Variants in TRPM4 observed in about 807,000 individuals in gnomAD.
TRPM4 encodes the protein transient receptor potential cation channel subfamily M member 4, also known as calcium-activated non-selective cation channel 1.
In TRPM4, 124 loss-of-function variants were observed where a neutral mutation model predicts 135.6. The ratio of observed to expected loss-of-function variants is 0.91; its 90% confidence interval spans 0.79 to 1.06. The LOEUF (loss-of-function observed/expected upper bound fraction) is 1.06. TRPM4 is among the 50% of genes least tolerant of loss of function. TRPM4 has a pLI of 0.00. For missense variants in TRPM4, 1,658 were observed against 1,671.4 expected (o/e 0.99, Z 0.14); for synonymous variants, 745 against 705.6 (o/e 1.06, Z -0.88).
chr19:49,210,510 T>C lies in TRPM4; in HGVS notation c.3328+105T>C. ...AAATGACTAACGGGCGTGGCTTAGG[T>C]AGCGAGGGGCGGGGTTTAAGCAACA... On this transcript the variant is annotated intron_variant, in intron 21 of 24. Coordinates refer to ENST00000252826, the MANE Select transcript of TRPM4 (RefSeq NM_017636.4). The surrounding 1 kb of genome is among the most constrained non-coding windows in gnomAD (Gnocchi z 4.1). The C allele has an allele frequency of 1.4e-6, 2 of 1,473,256 alleles. No homozygotes were observed. Among genetic ancestry groups the C allele is most frequent in the Non-Finnish European group, 1.9e-6 (2 of 1,076,642 alleles). 91.3% of individuals were successfully genotyped at this position (1,473,256 alleles called of 1,614,324 possible). A position where few individuals can be genotyped will look rare whatever the true frequency, so the allele number is the denominator to read the frequency against.
At chr19:49,158,827 T>G in intron 2 of TRPM4, 1 of 154,938 alleles carries the variant, frequency 6.5e-6, no homozygotes, top group Non-Finnish European at 1.4e-5. Flanking sequence ...AAGTTAATGC[T>G]TGTGATATTC....
Position 49,210,565 on chromosome 19 carries a change from T to G in TRPM4, c.3329-145T>G, listed in dbSNP as rs912532557. The G allele has an allele frequency of 2.1e-6, 3 of 1,438,810 alleles. No homozygotes were observed. The highest frequency in any genetic ancestry group is 1.9e-5 in the Admixed American group (1 of 53,102). 89.1% of individuals were successfully genotyped at this position (1,438,810 alleles called of 1,614,324 possible). ...GCGGAGCTTAAGCACTGAGGGGCAG[T>G]GCTTACGGGTGAGGGGCGGGGCATG... On this transcript the variant is annotated intron_variant, in intron 21 of 24. Coordinates refer to ENST00000252826, the MANE Select transcript of TRPM4 (RefSeq NM_017636.4). This position sits in a 1 kb window ranked among gnomAD's most constrained non-coding sequence, Gnocchi z 4.1.
chr19:49,207,636 C>CAAAA lies in TRPM4; in HGVS notation c.3132-2553_3132-2550dup, dbSNP rs34758808. Among the ~76,000 whole-genome samples the CAAAA allele has an allele frequency of 9.2e-4, 36 of 39,004 alleles. 1 individual carries two copies. The highest frequency in any genetic ancestry group is 2.6e-3 in the African/African-American group (29 of 11,296). 25.6% of individuals were successfully genotyped at this position (39,004 alleles called of 152,430 possible). A position where few individuals can be genotyped will look rare whatever the true frequency, so the allele number is the denominator to read the frequency against. On this transcript the variant is annotated intron_variant, in intron 20 of 24. Transcript: ENST00000252826. ...CCACCAACAGAGTGAAACCTTGTCT[C>CAAAA]AAAAAAAAAAAAAAAAAAAAAAAGC...
chr19:49,186,697 C>T (rs1968208075), intron 12 of TRPM4, among the ~76,000 whole-genome samples: 1 of 151,974 alleles, frequency 6.6e-6, no homozygotes, highest in Non-Finnish European at 1.5e-5. Context: ...CATGGAGAAA[C>T]CCTATCTCTA....
intron 9 of TRPM4, among the ~76,000 whole-genome samples, chr19:49,176,637 A>C (rs1331103575): frequency 6.6e-6 from 1 of 152,102 alleles, no homozygotes; most frequent in African/African-American, 2.4e-5. Flanking sequence ...GGATCACTTG[A>C]GGTCAGGAGT....
chr19:49,187,313 A>C (rs1352145745), intron 12 of TRPM4, among the ~76,000 whole-genome samples: 1 of 151,836 alleles, frequency 6.6e-6, no homozygotes, highest in East Asian at 1.9e-4. Flanking sequence ...AGTTCCCTAC[A>C]CTGGCATTTT....
intron 6 of TRPM4, among the ~76,000 whole-genome samples, chr19:49,170,389 A>C (rs930063368): frequency 6.6e-6 from 1 of 151,866 alleles, no homozygotes; most frequent in African/African-American, 2.4e-5. Flanking sequence ...GGGTTTCACC[A>C]TGTTGGCCAG....
intron 5 of TRPM4, 56 bp downstream of exon 5, chr19:49,168,479 G>A: frequency 3.7e-6 from 6 of 1,613,674 alleles, no homozygotes; most frequent in Non-Finnish European, 5.1e-6. Flanking sequence ...TGGGTCTGAG[G>A]GAGGAGGAGG....
Position 49,170,235 on chromosome 19 carries a change from C to T in TRPM4, c.797-1122C>T, listed in dbSNP as rs547921270. 1.9e-3 allele frequency among the ~76,000 whole-genome samples: 285 copies of T among 152,228 alleles called. 1 individual carries two copies. Among genetic ancestry groups the T allele is most frequent in the Non-Finnish European group, 3.6e-3 (244 of 68,020 alleles). On this transcript the variant is annotated intron_variant, in intron 6 of 24. Coordinates refer to ENST00000252826, the MANE Select transcript of TRPM4 (RefSeq NM_017636.4). ...GAGGGAGTCCTGCTCTGTGCACAGG[C>T]TGGAGTGCAGTGGCGTGATCTCAGC...
At position 49,200,688 on chromosome 19, in the gene TRPM4, G is replaced by A. The variant is rs766105824; in HGVS notation, c.2856G>A (p.Leu952=). The A allele has an allele frequency of 6.2e-7, 1 of 1,614,076 alleles. No homozygotes were observed. The highest frequency in any genetic ancestry group is 1.1e-5 in the South Asian group (1 of 91,080). Residue 952 remains leucine (L), a synonymous_variant, in exon 19 of 25, where the codon CTG becomes CTA. Transcript: ENST00000252826. ...VAYGVATEGL[L]RPRDSDFPSI... ...ATGGCGTGGCCACGGAGGGGCTCCT[G>A]AGGCCACGGGACAGTGACTTCCCAA...
At position 49,200,632 on chromosome 19, in the gene TRPM4, C is replaced by G; in HGVS notation, c.2800C>G (p.Leu934Val). The change falls in exon 19 of 25, where the codon CTC becomes GTC. Residue 934 changes from leucine to valine, a missense_variant. By Grantham distance (32) the Leu-to-Val change is conservative. Coordinates refer to ENST00000252826, the MANE Select transcript of TRPM4 (RefSeq NM_017636.4). ...SKMMKDVFFFLFFLGVWLVAY... is the reference protein window; with the variant it reads ...SKMMKDVFFFVFFLGVWLVAY... ...ACAGATGAAGGACGTGTTCTTCTTC[C>G]TCTTCTTCCTCGGCGTGTGGCTGGT... The G allele has an allele frequency of 6.2e-7, 1 of 1,613,618 alleles. No homozygotes were observed. Among genetic ancestry groups the G allele is most frequent in the Non-Finnish European group, 8.5e-7 (1 of 1,179,978 alleles).
chr19:49,162,962 A>G (rs1267303955), intron 2 of TRPM4, among the ~76,000 whole-genome samples: 5 of 151,958 alleles, frequency 3.3e-5, no homozygotes, highest in African/African-American at 7.2e-5. Context: ...GGGTTTCACC[A>G]TGTTGGCCAG....
At chr19:49,175,303 G>A (rs945770123) in intron 9 of TRPM4, among the ~76,000 whole-genome samples, 1 of 152,008 alleles carries the variant, frequency 6.6e-6, no homozygotes, top group African/African-American at 2.4e-5. Context: ...TCGAACTCCC[G>A]ACCTCGGGTG....
chr19:49,193,080 GTT>G (rs1555758685), intron 16 of TRPM4, among the ~76,000 whole-genome samples: 10 of 132,754 alleles, frequency 7.5e-5, no homozygotes, highest in Admixed American at 7.7e-5. Context: ...AAATCAGTTG[GTT>G]TTTTTTTTTT....
intron 20 of TRPM4, among the ~76,000 whole-genome samples, chr19:49,204,879 T>A (rs958897933): frequency 1.2e-3 from 175 of 151,208 alleles, no homozygotes; most frequent in African/African-American, 4.0e-3. Context: ...TTTTTTTTTT[T>A]AATGAAACTC....
Position 49,166,165 on chromosome 19 carries a change from G to C in TRPM4, c.217G>C (p.Asp73His), listed in dbSNP as rs775526463. ...SDAHTTEKPT[D>H]AYGELDFTGA... is the part of the protein sequence containing the mutation. ...TGCACACACCACGGAGAAGCCCACCGATGCCTACGGAGAGCTGGACTTCAC... is the reference window on the plus strand; with the variant it reads ...TGCACACACCACGGAGAAGCCCACCCATGCCTACGGAGAGCTGGACTTCAC... Residue 73 changes from aspartate to histidine, a missense_variant, in exon 3 of 25, where the codon GAT becomes CAT. Physicochemically the swap from Asp to His is moderately conservative, Grantham distance 81. Transcript: ENST00000252826. 1 of 1,609,134 alleles carries C rather than the reference G, an allele frequency of 6.2e-7. No individual in the cohort carries two copies. The highest frequency in any genetic ancestry group is 2.2e-5 in the East Asian group (1 of 44,638).
rs1238234225 is a variant in TRPM4, at chr19:49,200,788, A to C, written c.2953+3A>C. The C allele has an allele frequency of 6.2e-7, 1 of 1,613,708 alleles. No homozygotes were observed. The highest frequency in any genetic ancestry group is 1.7e-5 in the Admixed American group (1 of 59,988). On this transcript the variant is annotated splice_donor_region_variant and intron_variant, in intron 19 of 24. Transcript: ENST00000252826. ...GATTCCCCAGGAGGACATGGACGGT[A>C]GGGGGGATGACGGCCTGACAGCCTT... is the stretch of plus-strand genomic sequence containing the variant.
At chr19:49,183,939 A>T (rs1355911935) in intron 12 of TRPM4, among the ~76,000 whole-genome samples, 1 of 150,358 alleles carries the variant, frequency 6.7e-6, no homozygotes, top group Non-Finnish European at 1.5e-5. Context: ...ACGCCCAGCT[A>T]ATTTTTTGTA....
chr19:49,176,463 C>T (rs2122876027), intron 9 of TRPM4, among the ~76,000 whole-genome samples: 1 of 152,232 alleles, frequency 6.6e-6, no homozygotes, highest in Non-Finnish European at 1.5e-5. Flanking sequence ...AAGAGATCCT[C>T]CTGCCTTGAC....
Sources: allele counts gnomAD v4.1 joint callset (sites outside exome capture counted in the v4.1 genomes callset), GRCh38; gene constraint gnomAD v4.1.1; non-coding constraint Gnocchi (gnomAD v3.1); transcripts MANE v1.5; gene names NCBI Gene and HGNC (gene_info 2026-07-23, HGNC 2026-07-21).